The following MMD variants were observed in gnomAD, a reference collection of about 807,000 sequenced individuals.
The protein encoded by MMD is monocyte to macrophage differentiation factor.
In MMD, 22 loss-of-function variants were observed where a neutral mutation model predicts 33.6. That is an observed-to-expected ratio of 0.66 (90% CI 0.47 to 0.94). The LOEUF is 0.94. Among genes scored for constraint, MMD ranks in the 40% least tolerant of loss-of-function variants. The pLI, the probability that MMD is intolerant of heterozygous loss-of-function variation, is 0.00. For missense variants in MMD, 242 were observed against 309.8 expected, an observed-to-expected ratio of 0.78 and a Z score of 1.64; for synonymous variants, 97 against 103.2, an observed-to-expected ratio of 0.94 and a Z score of 0.36.
In MMD at chr17:55,394,183, A is replaced by G. The variant is rs1023166955; in HGVS notation, c.*151T>C. 5 of 581,690 alleles carry G rather than the reference A, an allele frequency of 8.6e-6. No homozygotes were observed. The allele number at this position is 581,690 out of a possible 1,614,324, so 36.0% of individuals were successfully genotyped here. A position where few individuals can be genotyped will look rare whatever the true frequency, so the allele number is the denominator to read the frequency against. On this transcript the variant is annotated 3_prime_UTR_variant, in exon 7 of 7. Transcript: ENST00000262065. ...GCTGTGAGGCAGAAAATTCCAGAACACAGCCTTTATACTTTCACAGTAATT... is the reference window on the plus strand; with the variant it reads ...GCTGTGAGGCAGAAAATTCCAGAACGCAGCCTTTATACTTTCACAGTAATT...
chr17:55,397,984 A>G (rs1907175288), intron 6 of MMD, among the ~76,000 whole-genome samples: 3 of 151,350 alleles, frequency 2.0e-5, no homozygotes, highest in Admixed American at 1.3e-4. Context: ...GTTTTTTAGT[A>G]ATTTGACTTT....
At position 55,409,786 on chromosome 17, in the gene MMD, G is replaced by C. The variant is rs539838222; in HGVS notation, c.269+1471C>G. 3.3e-4 allele frequency among the ~76,000 whole-genome samples: 51 copies of C among 152,278 alleles called. 1 individual carries two copies. Among genetic ancestry groups the C allele is most frequent in the African/African-American group, 1.2e-3 (51 of 41,554 alleles). On this transcript the variant is annotated intron_variant, in intron 3 of 6. Transcript: ENST00000262065. ...AAGTAGGTACCTACAACTTTTTATT[G>C]ATCCAAAATCTAGACATCGAAGCCA...
intron 6 of MMD, among the ~76,000 whole-genome samples, chr17:55,400,198 A>G (rs1907271774): frequency 6.6e-6 from 1 of 152,204 alleles, no homozygotes. Flanking sequence ...ACCAGATTTG[A>G]AACTTTTAAA....
chr17:55,415,013 G>A (rs1355256891), intron 1 of MMD, among the ~76,000 whole-genome samples: 3 of 152,028 alleles, frequency 2.0e-5, no homozygotes, highest in Non-Finnish European at 2.9e-5. Flanking sequence ...CCCATATTCC[G>A]CACTTCCCTT....
intron 6 of MMD, among the ~76,000 whole-genome samples, chr17:55,397,803 C>T (rs765408551): frequency 3.9e-5 from 6 of 152,050 alleles, no homozygotes; most frequent in African/African-American, 7.2e-5. Context: ...CAGCCTCCAA[C>T]GTGCTGGGAT....
intron 6 of MMD, among the ~76,000 whole-genome samples, chr17:55,396,533 C>T (rs1485225747): frequency 1.3e-5 from 2 of 152,152 alleles, no homozygotes; most frequent in South Asian, 2.1e-4. Context: ...AATTGAATAA[C>T]TTTGGGATTC....
At chr17:55,397,048 C>A (rs1359401382) in intron 6 of MMD, among the ~76,000 whole-genome samples, 1 of 152,160 alleles carries the variant, frequency 6.6e-6, no homozygotes, top group African/African-American at 2.4e-5. Context: ...CCATTGTTAC[C>A]ATGTACTTTA....
intron 4 of MMD, among the ~76,000 whole-genome samples, chr17:55,406,649 G>T (rs1907558523): frequency 6.6e-6 from 1 of 152,178 alleles, no homozygotes; most frequent in African/African-American, 2.4e-5. Flanking sequence ...GGGAGGCAGA[G>T]GCGGGCAGAT....
At chr17:55,418,379 A>T (rs1159785060) in intron 1 of MMD, among the ~76,000 whole-genome samples, 1 of 152,270 alleles carries the variant, frequency 6.6e-6, no homozygotes, top group East Asian at 1.9e-4. Flanking sequence ...ATAGAAAGAC[A>T]TTCCAGCTAC....
chr17:55,406,176 C>A (rs1484138095), intron 4 of MMD, among the ~76,000 whole-genome samples: 2 of 152,140 alleles, frequency 1.3e-5, no homozygotes. Context: ...GGGCAGATCA[C>A]TTGAGGTCAG....
chr17:55,412,706 G>A (rs1907810616), intron 2 of MMD, among the ~76,000 whole-genome samples: 1 of 152,164 alleles, frequency 6.6e-6, no homozygotes, highest in African/African-American at 2.4e-5. Context: ...GTTGGCCCAA[G>A]CAAAATTAGA....
At chr17:55,417,833 C>T (rs1290102327) in intron 1 of MMD, among the ~76,000 whole-genome samples, 1 of 152,108 alleles carries the variant, frequency 6.6e-6, no homozygotes, top group African/African-American at 2.4e-5. Flanking sequence ...CAGATCACAT[C>T]ACACACCCCA....
intron 6 of MMD, among the ~76,000 whole-genome samples, chr17:55,401,007 T>G (rs1052133665): frequency 5.3e-5 from 8 of 151,978 alleles, no homozygotes; most frequent in African/African-American, 2.4e-5. Flanking sequence ...AAAGGAAAAG[T>G]AAGAGTAAAG....
chr17:55,401,800 A>C (rs1222222965), intron 5 of MMD, among the ~76,000 whole-genome samples: 1 of 152,164 alleles, frequency 6.6e-6, no homozygotes, highest in Non-Finnish European at 1.5e-5. Context: ...CCGGCCGGGC[A>C]CGGTGGCTCA....
intron 1 of MMD, among the ~76,000 whole-genome samples, chr17:55,414,664 A>C (rs1196503543): frequency 1.3e-5 from 2 of 152,070 alleles, no homozygotes; most frequent in African/African-American, 4.8e-5. Flanking sequence ...AAAGGGATAC[A>C]CTACATTTGA....
At chr17:55,404,009 A>C (rs1452150291) in intron 4 of MMD, 141 bp from the exon 5 acceptor site, 3 of 638,618 alleles carry the variant, frequency 4.7e-6, no homozygotes, top group Non-Finnish European at 7.9e-6. Flanking sequence ...GCATTTGGGC[A>C]ATTTAGGTAA....
At chr17:55,415,291 A>T (rs1025425140) in intron 1 of MMD, among the ~76,000 whole-genome samples, 5 of 151,386 alleles carry the variant, frequency 3.3e-5, no homozygotes, top group East Asian at 2.0e-4. Context: ...AAAAAAAAAA[A>T]TTTCAACAGC....
intron 5 of MMD, among the ~76,000 whole-genome samples, chr17:55,403,063 G>A (rs766505827): frequency 1.6e-4 from 25 of 152,168 alleles, no homozygotes; most frequent in Non-Finnish European, 3.1e-4. Context: ...GTAATAAAAA[G>A]AGCAATGGAA....
At chr17:55,416,137 C>T (rs779650584) in intron 1 of MMD, among the ~76,000 whole-genome samples, 2 of 152,186 alleles carry the variant, frequency 1.3e-5, no homozygotes, top group Non-Finnish European at 2.9e-5. Context: ...AAGAGCAAGG[C>T]CCCAAGATGG....
Sources: gnomAD v4.1 joint callset for allele counts (sites outside exome capture counted in the v4.1 genomes callset) on GRCh38, gnomAD v4.1.1 for gene constraint, MANE v1.5 for transcripts, NCBI Gene and HGNC (gene_info 2026-07-23, HGNC 2026-07-21) for gene names.